Variants in NOX4 observed in about 807,000 individuals in gnomAD.
NOX4 encodes kidney oxidase-1.
NOX4 carries 69 observed loss-of-function variants against 87.6 expected under a neutral mutation model. The ratio of observed to expected loss-of-function variants is 0.79; its 90% CI spans 0.65 to 0.96. NOX4 has a LOEUF of 0.96. Ranked by LOEUF, NOX4 falls within the 40% of genes least tolerant of loss-of-function variation. The pLI, the probability that NOX4 is intolerant of heterozygous loss-of-function variation, is 0.00. For synonymous variants in NOX4, 275 were observed against 238.2 expected, an observed-to-expected ratio of 1.15 and a Z score of -1.42; for missense variants, 680 against 681.5, an observed-to-expected ratio of 1.00 and a Z score of 0.02.
At chr11:89,362,185 C>T (rs1938578451) in intron 12 of NOX4, among the ~76,000 whole-genome samples, 1 of 151,848 alleles carries the variant, frequency 6.6e-6, no homozygotes, top group African/African-American at 2.4e-5. Context: ...CACACACACA[C>T]ACACACACAC....
At chr11:89,449,631 C>A in intron 3 of NOX4, 107 bp from the exon 4 acceptor site, 1 of 750,328 alleles carries the variant, frequency 1.3e-6, no homozygotes, top group Non-Finnish European at 2.1e-6. Context: ...ATGGCGGAAG[C>A]CTATTAATCA....
the NOX4 span, among the ~76,000 whole-genome samples, chr11:89,511,331 C>A: frequency 2.6e-5 from 4 of 151,884 alleles, no homozygotes; most frequent in African/African-American, 9.7e-5. Flanking sequence ...CAATAGATGA[C>A]TAAAACTGAT....
chr11:89,577,470 G>T, the NOX4 span: 1 of 152,134 alleles, frequency 6.6e-6, no homozygotes, highest in Non-Finnish European at 1.5e-5. Context: ...ACTATTTGAA[G>T]ATCTTTTATT....
chr11:89,410,858 G>C (rs1190024790), intron 8 of NOX4, among the ~76,000 whole-genome samples: 2 of 152,184 alleles, frequency 1.3e-5, no homozygotes, highest in Non-Finnish European at 2.9e-5. Flanking sequence ...CAGTGATGTG[G>C]GTGGCACACG....
At chr11:89,472,567 A>ATTATTGAAGTGGAAATATTTTTTGG (rs1945995695) in intron 2 of NOX4, among the ~76,000 whole-genome samples, 1 of 152,166 alleles carries the variant, frequency 6.6e-6, no homozygotes, top group Admixed American at 6.6e-5. Flanking sequence ...TAAAAATGAC[A>ATTATTGAAGTGGAAATATTTTTTGG]TTCTTCCATT....
intron 12 of NOX4, among the ~76,000 whole-genome samples, chr11:89,366,082 T>C (rs1332615787): frequency 2.0e-5 from 3 of 152,152 alleles, no homozygotes; most frequent in Admixed American, 1.3e-4. Context: ...ACTTAGTCCA[T>C]TAACGCTAGG....
intron 14 of NOX4, among the ~76,000 whole-genome samples, chr11:89,341,402 T>C (rs1945995875): frequency 6.6e-6 from 1 of 152,046 alleles, no homozygotes; most frequent in South Asian, 2.1e-4. Context: ...GGATTACAGG[T>C]GTGAGCCAAT....
intron 11 of NOX4, among the ~76,000 whole-genome samples, chr11:89,380,706 G>A (rs753768419): frequency 2.0e-5 from 3 of 152,016 alleles, no homozygotes; most frequent in Non-Finnish European, 4.4e-5. Flanking sequence ...TTGGAAAAAA[G>A]CCAAACTAGA....
chr11:89,396,414 T>C (rs1332643285), intron 11 of NOX4, among the ~76,000 whole-genome samples: 4 of 152,126 alleles, frequency 2.6e-5, no homozygotes, highest in Non-Finnish European at 5.9e-5. Context: ...GCTGAGACGA[T>C]GGGGTTTTCT....
chr11:89,476,832 C>T (rs1386047110), intron 2 of NOX4, among the ~76,000 whole-genome samples: 2 of 152,104 alleles, frequency 1.3e-5, no homozygotes, highest in Admixed American at 6.6e-5. Context: ...CATAAATAGA[C>T]TTCAAAAATA....
chr11:89,509,062 AAAT>A, the NOX4 span, among the ~76,000 whole-genome samples: 3 of 97,738 alleles, frequency 3.1e-5, no homozygotes, highest in East Asian at 7.8e-4. Context: ...TTTATTTTTT[AAAT>A]AATGAATATC....
chr11:89,466,724 G>A (rs76987014), intron 2 of NOX4, among the ~76,000 whole-genome samples: 2,602 of 152,260 alleles, frequency 0.017, 69 homozygotes, highest in African/African-American at 0.059. Context: ...AATACAATTT[G>A]TAACAGTGAT....
the NOX4 span, among the ~76,000 whole-genome samples, chr11:89,555,528 C>T: frequency 6.6e-6 from 1 of 151,988 alleles, no homozygotes; most frequent in African/African-American, 2.4e-5. Flanking sequence ...CTTTATTTAT[C>T]CTGTTATTAA....
intron 2 of NOX4, among the ~76,000 whole-genome samples, chr11:89,462,616 C>T (rs910132664): frequency 6.6e-6 from 1 of 151,944 alleles, no homozygotes; most frequent in Non-Finnish European, 1.5e-5. Context: ...AGAGTCTATT[C>T]GATGAAGAAA....
At chr11:89,366,701 A>T (rs1939019058) in intron 12 of NOX4, among the ~76,000 whole-genome samples, 1 of 36,442 alleles carries the variant, frequency 2.7e-5, no homozygotes, top group Non-Finnish European at 4.3e-5. Flanking sequence ...AACTGAAAAG[A>T]AAAAAAAAAA....
At chr11:89,408,252 T>G (rs1211839036) in intron 8 of NOX4, among the ~76,000 whole-genome samples, 1 of 152,316 alleles carries the variant, frequency 6.6e-6, no homozygotes, top group South Asian at 2.1e-4. Flanking sequence ...ATTGATTAAC[T>G]TAGTGACCAG....
intron 8 of NOX4, 111 bp downstream of exon 8, chr11:89,421,791 C>A (rs1943095184): frequency 3.4e-6 from 2 of 591,826 alleles, no homozygotes. Flanking sequence ...GAAACTATTT[C>A]TTTCACTCTT....
intron 2 of NOX4, among the ~76,000 whole-genome samples, chr11:89,485,543 A>G (rs1286802545): frequency 6.6e-6 from 1 of 152,136 alleles, no homozygotes; most frequent in Admixed American, 6.5e-5. Flanking sequence ...GGTAAACATG[A>G]ATTCAAGAGC....
At chr11:89,384,072 T>C (rs1414811987) in intron 11 of NOX4, among the ~76,000 whole-genome samples, 1 of 152,054 alleles carries the variant, frequency 6.6e-6, no homozygotes, top group East Asian at 1.9e-4. Flanking sequence ...AATTCCCCAT[T>C]TTACCTGTCC....
Sources: gnomAD v4.1 joint callset for allele counts (sites outside exome capture counted in the v4.1 genomes callset) on GRCh38, gnomAD v4.1.1 for gene constraint, MANE v1.5 for transcripts, NCBI Gene and HGNC (gene_info 2026-07-23, HGNC 2026-07-21) for gene names.